Variants in CDR2 observed in about 807,000 individuals in gnomAD.
CDR2 encodes the protein cerebellar degeneration-related protein 2.
Under a neutral mutation model 48.4 loss-of-function variants are expected in CDR2, and 34 were observed. The ratio of observed to expected loss-of-function variants is 0.70; its 90% CI spans 0.53 to 0.94. The LOEUF is 0.94. Ranked by LOEUF, CDR2 falls within the 40% of genes least tolerant of loss-of-function variation. The probability of loss-of-function intolerance (pLI) is 0.00; values close to 1 mark genes in which losing one functional copy is unlikely to be tolerated. For missense variants in CDR2, 498 were observed against 549.5 expected, an observed-to-expected ratio of 0.91 and a Z score of 0.94; for synonymous variants, 240 against 219.7, an observed-to-expected ratio of 1.09 and a Z score of -0.82.
chr16:22,359,333 G>A (rs1035379039), intron 2 of CDR2, among the ~76,000 whole-genome samples: 1 of 152,022 alleles, frequency 6.6e-6, no homozygotes, highest in South Asian at 2.1e-4. Flanking sequence ...CGCCATCTTG[G>A]CCAGGCTTAT....
At chr16:22,347,859 G>T (rs1341921208) in intron 4 of CDR2, 36 bp from the exon 5 acceptor site, 9 of 1,539,000 alleles carry the variant, frequency 5.8e-6, no homozygotes, top group African/African-American at 2.7e-5. Flanking sequence ...ATATTACACA[G>T]GTCCACTGAA....
Position 22,347,407 on chromosome 16 carries a change from C to T in CDR2, c.923G>A (p.Arg308His), listed in dbSNP as rs541082194. Residue 308 changes from arginine (R) to histidine (H), a missense_variant, in exon 5 of 5, where the codon CGC becomes CAC. Physicochemically the swap from Arg to His is conservative, Grantham distance 29 (BLOSUM62 0). Coordinates refer to ENST00000268383, the MANE Select transcript of CDR2 (RefSeq NM_001802.2). The part of the protein sequence containing the change: ...VPESHRKPLK[R>H]SSSETILSSL... ...GCTGAGGATCGTCTCACTGCTGCTG[C>T]GCTTGAGAGGCTTTCTATGTGATTC... The T allele has an allele frequency of 4.3e-5, 70 of 1,614,038 alleles. No homozygotes were observed. The highest frequency in any genetic ancestry group is 1.6e-4 in the Middle Eastern group (1 of 6,084).
At chr16:22,357,111 C>T (rs183738332) in intron 2 of CDR2, among the ~76,000 whole-genome samples, 35 of 152,188 alleles carry the variant, frequency 2.3e-4, no homozygotes, top group African/African-American at 7.9e-4. Flanking sequence ...GCTGGAGGCA[C>T]GATCTCAGCT....
rs546509970 is a variant in CDR2 at position 22,358,779 on chromosome 16, G to A, written c.192+6123C>T. ...ATTTCCCCTGTAGAAATTTGGTGGC[G>A]GGAGGCATGAACATGAAAATAGAAA... is the stretch of plus-strand genomic sequence containing the variant. On this transcript the variant is annotated intron_variant, in intron 2 of 4. Transcript: ENST00000268383. 2.3e-4 allele frequency among the ~76,000 whole-genome samples: 35 copies of A among 152,142 alleles called. 1 individual carries two copies. In the South Asian group the frequency reaches 5.8e-3, roughly 25 times the overall value.
chr16:22,353,448 T>C (rs2048955552), intron 2 of CDR2, among the ~76,000 whole-genome samples: 1 of 152,164 alleles, frequency 6.6e-6, no homozygotes, highest in South Asian at 2.1e-4. Flanking sequence ...AACTACTTCA[T>C]AAGGCTGTAA....
intron 4 of CDR2, 24 bp downstream of exon 4, chr16:22,349,255 C>T: frequency 4.3e-6 from 7 of 1,613,356 alleles, no homozygotes; most frequent in Non-Finnish European, 5.9e-6. Context: ...CCTGCTGTAA[C>T]TCCACAGAAA....
At chr16:22,361,048 T>G (rs2049007920) in intron 2 of CDR2, among the ~76,000 whole-genome samples, 1 of 152,186 alleles carries the variant, frequency 6.6e-6, no homozygotes, top group South Asian at 2.1e-4. Context: ...TGCGCCAAGC[T>G]GTGTATTACT....
chr16:22,349,482 T>C lies in CDR2; in HGVS notation c.342-39A>G, dbSNP rs373082104. 1.6e-4 allele frequency: 252 copies of C among 1,611,420 alleles called. 1 individual carries two copies. In the South Asian group the frequency reaches 1.7e-3, roughly 11 times the overall value. ...ACAGAAGCCACTGCTGCTTGTCATATTGAATCAAGGGCAAAAGCGGTGAGG... is the reference window on the plus strand; with the variant it reads ...ACAGAAGCCACTGCTGCTTGTCATACTGAATCAAGGGCAAAAGCGGTGAGG... On this transcript the variant is annotated intron_variant, in intron 3 of 4. Coordinates refer to ENST00000268383, the MANE Select transcript of CDR2 (RefSeq NM_001802.2).
intron 1 of CDR2, among the ~76,000 whole-genome samples, chr16:22,371,846 ATATGTG>A (rs763589019): frequency 5.2e-4 from 41 of 78,878 alleles, no homozygotes; most frequent in South Asian, 1.2e-3. Flanking sequence ...AGAGGTTCAG[ATATGTG>A]TGTGTGTGTG....
chr16:22,367,990 A>T (rs2141853553), intron 1 of CDR2, among the ~76,000 whole-genome samples: 1 of 152,276 alleles, frequency 6.6e-6, no homozygotes, highest in African/African-American at 2.4e-5. Context: ...GGGAGGGTGA[A>T]CCAGATGGAC....
At chr16:22,370,384 G>A (rs2049068120) in intron 1 of CDR2, among the ~76,000 whole-genome samples, 1 of 152,182 alleles carries the variant, frequency 6.6e-6, no homozygotes, top group South Asian at 2.1e-4. Context: ...TACTCATCCT[G>A]CAATTTTAGG....
chr16:22,348,345 T>C (rs1286935897), intron 4 of CDR2, among the ~76,000 whole-genome samples: 1 of 152,296 alleles, frequency 6.6e-6, no homozygotes, highest in East Asian at 1.9e-4. Flanking sequence ...CAAATCTTTT[T>C]TTAATGTTAA....
Position 22,347,493 on chromosome 16 carries a change from CAG to C in CDR2, c.835_836del (p.Leu279ValfsTer24), listed in dbSNP as rs773753141. ...NGVEKLVPDS[L>X]YVPFKEPSQS... is the part of the protein sequence containing the mutation. ...GGCTGGGCTCTTTGAAAGGAACATA[CAG>C]AGAGTCTGGCACCAGCTTCTCAACT... On this transcript the variant is annotated frameshift_variant, in exon 5 of 5. Coordinates refer to ENST00000268383, the MANE Select transcript of CDR2 (RefSeq NM_001802.2). LOFTEE classifies it high-confidence loss of function. 4 of 1,613,986 alleles carry C rather than the reference CAG, an allele frequency of 2.5e-6. No homozygotes were observed. The highest frequency in any genetic ancestry group is 2.2e-5 in the East Asian group (1 of 44,896).
In CDR2 at chr16:22,346,940, A is replaced by C. The variant is rs1211779616; in HGVS notation, c.*25T>G. The C allele has an allele frequency of 6.3e-7, 1 of 1,593,412 alleles. No homozygotes were observed. Among genetic ancestry groups the C allele is most frequent in the Non-Finnish European group, 8.6e-7 (1 of 1,165,536 alleles). Reference sequence around the variant, plus strand: ...GAGAGAGGCGATAGGCAATAGGCAAATTAGTAGTAGAGCTAGAGGTTCAAT... The same window carrying C: ...GAGAGAGGCGATAGGCAATAGGCAACTTAGTAGTAGAGCTAGAGGTTCAAT... On this transcript the variant is annotated 3_prime_UTR_variant, in exon 5 of 5. Transcript: ENST00000268383.
At chr16:22,373,842 T>C (rs1052025881) in intron 1 of CDR2, among the ~76,000 whole-genome samples, 40 of 152,246 alleles carry the variant, frequency 2.6e-4, no homozygotes, top group African/African-American at 9.4e-4. Context: ...TGAAAGGCGC[T>C]GGGCTAGACA....
At chr16:22,361,784 C>T (rs1240485109) in intron 2 of CDR2, among the ~76,000 whole-genome samples, 3 of 151,972 alleles carry the variant, frequency 2.0e-5, no homozygotes, top group Admixed American at 1.3e-4. Context: ...TTGTGCAATG[C>T]TCAGATCTAG....
chr16:22,374,130 C>G, intron 1 of CDR2, 101 bp downstream of exon 1: 1 of 744,678 alleles, frequency 1.3e-6, no homozygotes, highest in Non-Finnish European at 2.2e-6. Flanking sequence ...TTCCCGGCAC[C>G]TGCATCCTCC....
At chr16:22,358,782 A>T (rs2048993053) in intron 2 of CDR2, among the ~76,000 whole-genome samples, 1 of 152,180 alleles carries the variant, frequency 6.6e-6, no homozygotes, top group Admixed American at 6.5e-5. Context: ...TGGTGGCGGG[A>T]GGCATGAACA....
intron 2 of CDR2, among the ~76,000 whole-genome samples, chr16:22,358,961 G>A (rs766339371): frequency 1.1e-4 from 17 of 152,160 alleles, no homozygotes; most frequent in East Asian, 1.9e-4. Context: ...GAAAAGATAC[G>A]CAATATTCCC....
Sources: gnomAD v4.1 joint callset for allele counts (sites outside exome capture counted in the v4.1 genomes callset) on GRCh38, gnomAD v4.1.1 for gene constraint, MANE v1.5 for transcripts, NCBI Gene and HGNC (gene_info 2026-07-23, HGNC 2026-07-21) for gene names.